The following FAM184A variants were observed in gnomAD, a reference collection of about 807,000 sequenced individuals.
FAM184A encodes family with sequence similarity 184 member A.
Under a neutral mutation model 143.8 loss-of-function variants are expected in FAM184A, and 99 were observed. That is an observed-to-expected ratio of 0.69 (90% CI 0.58 to 0.81). FAM184A has a LOEUF of 0.81. Ranked by LOEUF, FAM184A falls within the 40% of genes least tolerant of loss-of-function variation. The pLI is 0.00. For synonymous variants in FAM184A, 427 were observed against 446.4 expected, an observed-to-expected ratio of 0.96 and a Z score of 0.55; for missense variants, 1,217 against 1,310.5, an observed-to-expected ratio of 0.93 and a Z score of 1.10.
In FAM184A at chr6:118,959,930, C is replaced by T. The variant is rs1783265247; in HGVS notation, c.*173G>A. 2.0e-6 allele frequency: 1 copy of T among 498,302 alleles called. No homozygotes were observed. The highest frequency in any genetic ancestry group is 1.9e-5 in the African/African-American group (1 of 52,180). 30.9% of individuals were successfully genotyped at this position (498,302 alleles called of 1,614,324 possible). A position where few individuals can be genotyped will look rare whatever the true frequency, so the allele number is the denominator to read the frequency against. On this transcript the variant is annotated 3_prime_UTR_variant, in exon 18 of 18. Transcript: ENST00000338891. ...TATAATTACACACATAATATAGTAC[C>T]TTATAGAATGATTCCAATAAATATC... is the stretch of plus-strand genomic sequence containing the variant.
intron 1 of FAM184A, among the ~76,000 whole-genome samples, chr6:119,102,803 AAAAAG>A (rs1442101845): frequency 4.2e-5 from 6 of 142,586 alleles, no homozygotes; most frequent in African/African-American, 1.2e-4. Flanking sequence ...AAAAAAAAAA[AAAAAG>A]AAAAGAAAAA....
intron 1 of FAM184A, among the ~76,000 whole-genome samples, chr6:119,028,046 A>AT: frequency 6.6e-6 from 1 of 152,148 alleles, no homozygotes; most frequent in Middle Eastern, 3.4e-3. Flanking sequence ...CCTTGTATTG[A>AT]TTTATGATTT....
chr6:119,013,378 G>C (rs1785145120), intron 5 of FAM184A, among the ~76,000 whole-genome samples: 1 of 152,130 alleles, frequency 6.6e-6, no homozygotes, highest in African/African-American at 2.4e-5. Context: ...GCTAAAGGCA[G>C]GACATATGCA....
At chr6:119,023,907 T>C in intron 2 of FAM184A, 52 bp downstream of exon 2, 1 of 1,484,260 alleles carries the variant, frequency 6.7e-7, no homozygotes, top group East Asian at 2.3e-5. Context: ...ACAAAACAAA[T>C]ATTTTTAAAA....
chr6:119,126,723 C>T (rs982395444), intron 1 of FAM184A, among the ~76,000 whole-genome samples: 14 of 152,160 alleles, frequency 9.2e-5, no homozygotes, highest in Non-Finnish European at 2.1e-4. Context: ...GGCAGAGGGT[C>T]AGTGTGTTAG....
intron 1 of FAM184A, among the ~76,000 whole-genome samples, chr6:119,094,777 AGG>A (rs1788461865): frequency 1.3e-5 from 2 of 151,020 alleles, no homozygotes; most frequent in African/African-American, 4.9e-5. Flanking sequence ...AAAAAAAAAA[AGG>A]AGGGGATGTT....
At chr6:119,118,895 G>A (rs1411336762) in intron 1 of FAM184A, among the ~76,000 whole-genome samples, 1 of 152,152 alleles carries the variant, frequency 6.6e-6, no homozygotes. Flanking sequence ...GCAGAACAGA[G>A]CCATATTTCT....
chr6:118,986,832 T>C (rs1784211765), intron 9 of FAM184A, among the ~76,000 whole-genome samples: 1 of 152,242 alleles, frequency 6.6e-6, no homozygotes, highest in Admixed American at 6.5e-5. Flanking sequence ...ATGTCTATAT[T>C]GATATAGCTA....
At chr6:119,015,541 C>T (rs1562473978) in intron 5 of FAM184A, among the ~76,000 whole-genome samples, 1 of 152,214 alleles carries the variant, frequency 6.6e-6, no homozygotes, top group African/African-American at 2.4e-5. Context: ...GATTTTTTGC[C>T]GGGCCTTAGC....
intron 1 of FAM184A, among the ~76,000 whole-genome samples, chr6:119,066,478 A>T (rs966140459): frequency 6.6e-6 from 1 of 152,224 alleles, no homozygotes; most frequent in Non-Finnish European, 1.5e-5. Flanking sequence ...CACAGGTTCT[A>T]GGTATTAGAA....
chr6:119,008,474 A>G (rs73767215), intron 6 of FAM184A, among the ~76,000 whole-genome samples: 5,831 of 152,268 alleles, frequency 0.038, 244 homozygotes, highest in African/African-American at 0.1. Flanking sequence ...AACAAACCCA[A>G]TTTAAGAGAA....
At chr6:119,006,662 T>G in intron 6 of FAM184A, 54 bp from the exon 7 acceptor site, 1 of 1,335,762 alleles carries the variant, frequency 7.5e-7, no homozygotes, top group Non-Finnish European at 1.0e-6. Context: ...AATAGCAAAA[T>G]AGTCTTACAA....
intron 14 of FAM184A, among the ~76,000 whole-genome samples, chr6:118,974,216 T>C (rs1287897914): frequency 6.6e-6 from 1 of 152,168 alleles, no homozygotes; most frequent in Non-Finnish European, 1.5e-5. Context: ...GCAGAACTGG[T>C]GCAGTCTTAG....
intron 9 of FAM184A, among the ~76,000 whole-genome samples, chr6:119,001,292 A>C (rs1476761479): frequency 6.6e-6 from 1 of 151,458 alleles, no homozygotes; most frequent in Non-Finnish European, 1.5e-5. Context: ...TGCCTAAACA[A>C]TTCAGAAGTG....
chr6:119,101,608 TG>T (rs1788639193), intron 1 of FAM184A, among the ~76,000 whole-genome samples: 1 of 152,232 alleles, frequency 6.6e-6, no homozygotes, highest in Non-Finnish European at 1.5e-5. Flanking sequence ...TTCTTGAGTG[TG>T]GGCATGGGAT....
chr6:119,103,884 G>A (rs1390100596), intron 1 of FAM184A, among the ~76,000 whole-genome samples: 13 of 144,316 alleles, frequency 9.0e-5, no homozygotes, highest in Non-Finnish European at 1.9e-4. Flanking sequence ...CAGAGATCGA[G>A]CCACTGTACT....
intron 1 of FAM184A, among the ~76,000 whole-genome samples, chr6:119,045,003 C>T (rs1259144667): frequency 6.6e-6 from 1 of 152,248 alleles, no homozygotes; most frequent in Non-Finnish European, 1.5e-5. Flanking sequence ...TTCTAGCGAT[C>T]TCTTCTAATT....
intron 1 of FAM184A, among the ~76,000 whole-genome samples, chr6:119,083,937 T>A (rs1331788784): frequency 2.6e-5 from 4 of 152,170 alleles, no homozygotes; most frequent in Admixed American, 6.5e-5. Context: ...CACACTGCTA[T>A]AAAGAATACC....
chr6:119,048,577 A>G (rs1417377908), intron 1 of FAM184A, among the ~76,000 whole-genome samples: 1 of 152,238 alleles, frequency 6.6e-6, no homozygotes, highest in Non-Finnish European at 1.5e-5. Context: ...GCATTCCTAT[A>G]CACCAACAAC....
Sources: allele counts gnomAD v4.1 joint callset (sites outside exome capture counted in the v4.1 genomes callset), GRCh38; gene constraint gnomAD v4.1.1; transcripts MANE v1.5; gene names NCBI Gene and HGNC (gene_info 2026-07-23, HGNC 2026-07-21).